DLEC1: variants seen among roughly 807,000 people sequenced by gnomAD.
DLEC1 encodes the protein DLEC1 cilia and flagella associated protein, also known as deleted in lung and esophageal cancer protein 1.
Under a neutral mutation model 198.1 loss-of-function variants are expected in DLEC1, and 146 were observed. That is an observed-to-expected ratio of 0.74 (90% CI 0.64 to 0.85). DLEC1 has a LOEUF of 0.85. DLEC1 is among the 40% of genes least tolerant of loss of function. DLEC1 has a pLI of 0.00. For missense variants in DLEC1, 2,233 were observed against 2,220.0 expected, an observed-to-expected ratio of 1.01 and a Z score of -0.12; for synonymous variants, 897 against 866.8, an observed-to-expected ratio of 1.03 and a Z score of -0.61.
In DLEC1 at chr3:38,081,885, C is replaced by T. The variant is rs1368499681; in HGVS notation, c.1174-2273C>T. ...CTCCCGGATGGGGCGGCTGGCCGGG[C>T]GGGGGGCTGACCCCCCCCCACCTCC... On this transcript the variant is annotated intron_variant, in intron 6 of 36. Transcript: ENST00000308059. Among the ~76,000 whole-genome samples the T allele has an allele frequency of 2.9e-4, 39 of 132,750 alleles. No individual in the cohort carries two copies. The South Asian group carries it at 3.7e-3, about 13-fold the overall frequency. 87.1% of individuals were successfully genotyped at this position (132,750 alleles called of 152,430 possible).
chr3:38,073,078 C>T (rs986542313), intron 6 of DLEC1, among the ~76,000 whole-genome samples: 3 of 152,170 alleles, frequency 2.0e-5, no homozygotes, highest in Admixed American at 6.5e-5. Flanking sequence ...TGATGGGTGA[C>T]AGGGTCAGTC....
chr3:38,088,972 G>A (rs1377933356), intron 10 of DLEC1, among the ~76,000 whole-genome samples: 2 of 152,084 alleles, frequency 1.3e-5, no homozygotes, highest in Non-Finnish European at 2.9e-5. Context: ...ATGAGAAATG[G>A]TGATACTTCC....
At chr3:38,099,700 C>G (rs1699206609) in intron 18 of DLEC1, among the ~76,000 whole-genome samples, 1 of 133,220 alleles carries the variant, frequency 7.5e-6, no homozygotes, top group South Asian at 2.6e-4. Flanking sequence ...GATGGGGACA[C>G]TTTTCTTCCT....
intron 6 of DLEC1, among the ~76,000 whole-genome samples, chr3:38,075,695 C>T (rs900066447): frequency 9.9e-5 from 15 of 151,486 alleles, no homozygotes; most frequent in Admixed American, 3.9e-4. Flanking sequence ...GATAAGAGGT[C>T]GGGGCACAGA....
At chr3:38,072,201 G>A (rs1480064712) in intron 6 of DLEC1, among the ~76,000 whole-genome samples, 2 of 152,242 alleles carry the variant, frequency 1.3e-5, no homozygotes, top group Admixed American at 1.3e-4. Context: ...AATGGTAACT[G>A]TGGGAGATTC....
chr3:38,109,596 T>G (rs755550426), intron 22 of DLEC1, 34 bp downstream of exon 22: 5 of 1,612,930 alleles, frequency 3.1e-6, no homozygotes. Flanking sequence ...GGGGTGGCAG[T>G]GGACTGAGGA....
chr3:38,067,670 T>TCTATG (rs1435593524), intron 6 of DLEC1, among the ~76,000 whole-genome samples: 2 of 152,138 alleles, frequency 1.3e-5, no homozygotes, highest in African/African-American at 2.4e-5. Flanking sequence ...ACATAGCTTC[T>TCTATG]CTATGTGGGC....
Position 38,084,206 on chromosome 3 carries a change from G to C in DLEC1, c.1222G>C (p.Val408Leu). Residue 408 changes from valine (V) to leucine (L), a missense_variant, in exon 7 of 37, where the codon GTC (valine) becomes CTC (leucine). Transcript: ENST00000308059. ...NTTTTSRYLR[V>L]LPPSTPYFAL... The stretch of plus-strand genomic sequence containing the variant: ...CACCACGACCAGCCGCTACCTGCGA[G>C]TCCTCCCGCCTTCCACGCCATACTT... 2 of 1,613,322 alleles carry C rather than the reference G, an allele frequency of 1.2e-6. No individual in the cohort carries two copies. Among genetic ancestry groups the C allele is most frequent in the South Asian group, 2.2e-5 (2 of 91,084 alleles).
intron 15 of DLEC1, among the ~76,000 whole-genome samples, 199 bp from the exon 16 acceptor site, chr3:38,096,983 G>A (rs1389696252): frequency 6.6e-6 from 1 of 152,238 alleles, no homozygotes; most frequent in Non-Finnish European, 1.5e-5. Flanking sequence ...GTCCTTGGCA[G>A]AGTATGTCAG....
chr3:38,118,044 G>A lies in DLEC1; in HGVS notation c.4704+20G>A. On this transcript the variant is annotated intron_variant, in intron 33 of 36. Coordinates refer to ENST00000308059, the MANE Select transcript of DLEC1 (RefSeq NM_007335.4). ...ATGCTGGTCAGTGGGGGAGTCTGCAGCCCTTGCCTCGATGGCACACCCTCA... is the reference window on the plus strand; with the variant it reads ...ATGCTGGTCAGTGGGGGAGTCTGCAACCCTTGCCTCGATGGCACACCCTCA... 1 of 1,573,228 alleles carries A rather than the reference G, an allele frequency of 6.4e-7. No homozygotes were observed. Among genetic ancestry groups the A allele is most frequent in the Non-Finnish European group, 8.6e-7 (1 of 1,159,980 alleles).
Position 38,123,249 on chromosome 3 carries a change from G to GACCAGATCTGT in DLEC1, c.*837_*838insACCAGATCTGT. On this transcript the variant is annotated 3_prime_UTR_variant, in exon 37 of 37. Transcript: ENST00000308059. ...CATCAGACCAGATCTGTGGGCAAGC[G>GACCAGATCTGT]GTACCCTGGCCTCCCACTTGGGCAC... 1.2e-6 allele frequency: 1 copy of GACCAGATCTGT among 854,652 alleles called. No homozygotes were observed. Among genetic ancestry groups the GACCAGATCTGT allele is most frequent in the Non-Finnish European group, 1.9e-6 (1 of 525,938 alleles). The allele number at this position is 854,652 out of a possible 1,614,324, so 52.9% of individuals were successfully genotyped here.
At chr3:38,044,361 C>G (rs1336443340) in intron 1 of DLEC1, among the ~76,000 whole-genome samples, 1 of 152,024 alleles carries the variant, frequency 6.6e-6, no homozygotes, top group Non-Finnish European at 1.5e-5. Flanking sequence ...GAGTTCAAGA[C>G]CAGCCTGGCC....
In DLEC1 at chr3:38,123,074, A is replaced by G; in HGVS notation, c.*662A>G. On this transcript the variant is annotated 3_prime_UTR_variant, in exon 37 of 37. Coordinates refer to ENST00000308059, the MANE Select transcript of DLEC1 (RefSeq NM_007335.4). Reference sequence around the variant, plus strand: ...AGTTCCCAGGGTATTCAAAGACGGCAGCGGCTCCCATTCCAGTCCCGATGC... The same window carrying G: ...AGTTCCCAGGGTATTCAAAGACGGCGGCGGCTCCCATTCCAGTCCCGATGC... 6.2e-7 allele frequency: 1 copy of G among 1,614,206 alleles called. No individual in the cohort carries two copies.
chr3:38,097,146 C>T (rs372700607), intron 15 of DLEC1, 36 bp from the exon 16 acceptor site: 84 of 1,518,212 alleles, frequency 5.5e-5, no homozygotes, highest in Non-Finnish European at 7.2e-5. Flanking sequence ...CATGAAGGGG[C>T]AGTAAATGGG....
intron 6 of DLEC1, among the ~76,000 whole-genome samples, chr3:38,083,185 G>A (rs1698151031): frequency 1.3e-5 from 2 of 151,730 alleles, no homozygotes; most frequent in East Asian, 1.9e-4. Flanking sequence ...TTTCATGTGC[G>A]TCCGTGTGAA....
In DLEC1 at chr3:38,108,611, G is replaced by A. The variant is rs1699695671; in HGVS notation, c.3129+96G>A. The A allele has an allele frequency of 3.2e-6, 3 of 949,238 alleles. No homozygotes were observed. The East Asian group carries it at 7.8e-5, about 25-fold the overall frequency. The allele number at this position is 949,238 out of a possible 1,614,324, so 58.8% of individuals were successfully genotyped here. A position where few individuals can be genotyped will look rare whatever the true frequency, so the allele number is the denominator to read the frequency against. On this transcript the variant is annotated intron_variant, in intron 21 of 36. Transcript: ENST00000308059. The stretch of plus-strand genomic sequence containing the variant: ...GGGAGGCCCTAGCTTAGGCCACATT[G>A]CTGGTTCTTGTGGGTGGGGAAGAGA...
chr3:38,045,662 G>A lies in DLEC1; in HGVS notation c.531G>A (p.Gln177=). 3.1e-6 allele frequency: 5 copies of A among 1,613,792 alleles called. No individual in the cohort carries two copies. Among genetic ancestry groups the A allele is most frequent in the Non-Finnish European group, 4.2e-6 (5 of 1,179,886 alleles). The change falls in exon 2 of 37, where the codon CAG becomes CAA. Residue 177 remains glutamine (Q), a synonymous_variant. Coordinates refer to ENST00000308059, the MANE Select transcript of DLEC1 (RefSeq NM_007335.4). ...NERVMSQAGV[Q]DLESLVRLPP... ...GGGTCATGAGCCAGGCTGGAGTACA[G>A]GACCTCGAGAGCCTTGTCAGGTTGC... is the stretch of plus-strand genomic sequence containing the variant.
intron 5 of DLEC1, among the ~76,000 whole-genome samples, chr3:38,063,011 G>A (rs1310426760): frequency 6.6e-6 from 1 of 152,146 alleles, no homozygotes; most frequent in African/African-American, 2.4e-5. Context: ...CCTGCCAGGG[G>A]TCTTGAGAAA....
In DLEC1 at chr3:38,095,486, C is replaced by G. The variant is rs116699342; in HGVS notation, c.2113-402C>G. On this transcript the variant is annotated intron_variant, in intron 13 of 36. Coordinates refer to ENST00000308059, the MANE Select transcript of DLEC1 (RefSeq NM_007335.4). The stretch of plus-strand genomic sequence containing the variant: ...GGCCACGGTAGGCTAGAAGGGAATT[C>G]GAGCTGGGCATGAAAAGGATGCTCC... 1.0e-2 allele frequency: 2,990 copies of G among 299,552 alleles called. 29 individuals are homozygous for G. The highest frequency in any genetic ancestry group is 0.015 in the Non-Finnish European group (2,283 of 156,562). The allele number at this position is 299,552 out of a possible 1,614,324, so 18.6% of individuals were successfully genotyped here.
Sources: allele counts gnomAD v4.1 joint callset (sites outside exome capture counted in the v4.1 genomes callset), GRCh38; gene constraint gnomAD v4.1.1; transcripts MANE v1.5; gene names NCBI Gene and HGNC (gene_info 2026-07-23, HGNC 2026-07-21).